Variants in SERPINI1 observed in about 807,000 individuals in gnomAD.
SERPINI1 encodes serpin family I member 1.
A neutral mutation model predicts 41.1 loss-of-function variants in SERPINI1; 19 were observed. The observed-to-expected ratio is 0.46, with a 90% CI of 0.32 to 0.68. SERPINI1 has a LOEUF of 0.68. SERPINI1 is among the 30% of genes least tolerant of loss of function. The pLI is 0.03. For synonymous variants in SERPINI1, 138 were observed against 156.6 expected (o/e 0.88, Z 0.89); for missense variants, 460 against 479.2 (o/e 0.96, Z 0.37).
chr3:167,738,753 T>G (rs1725569110), intron 1 of SERPINI1, among the ~76,000 whole-genome samples: 1 of 151,392 alleles, frequency 6.6e-6, no homozygotes, highest in African/African-American at 2.4e-5. Flanking sequence ...CTTCCTTTTT[T>G]ATGCTTTTAT....
intron 1 of SERPINI1, among the ~76,000 whole-genome samples, chr3:167,757,643 G>T (rs531707344): frequency 1.3e-5 from 2 of 152,294 alleles, no homozygotes; most frequent in African/African-American, 4.8e-5. Context: ...CTGTGGCTGG[G>T]TGTGGTGGCT....
intron 1 of SERPINI1, among the ~76,000 whole-genome samples, chr3:167,748,749 ACT>A (rs1491199925): frequency 6.5e-5 from 6 of 92,702 alleles, no homozygotes; most frequent in East Asian, 3.0e-4. Context: ...AGAGTGTGTT[ACT>A]CTGTGTGTGT....
At chr3:167,771,605 G>A (rs1726749840) in intron 1 of SERPINI1, among the ~76,000 whole-genome samples, 1 of 152,154 alleles carries the variant, frequency 6.6e-6, no homozygotes, top group South Asian at 2.1e-4. Context: ...TGCTCTGTTA[G>A]TGTTTTACCT....
intron 1 of SERPINI1, among the ~76,000 whole-genome samples, chr3:167,764,663 A>C (rs1431268611): frequency 6.6e-6 from 1 of 152,172 alleles, no homozygotes; most frequent in African/African-American, 2.4e-5. Context: ...ACAGTCCTTC[A>C]AAGTCTTAAC....
At chr3:167,801,903 C>T (rs1044402331) in intron 5 of SERPINI1, among the ~76,000 whole-genome samples, 3 of 152,104 alleles carry the variant, frequency 2.0e-5, no homozygotes, top group African/African-American at 7.2e-5. Context: ...TCATTTGCAA[C>T]CTATGTGGTT....
intron 3 of SERPINI1, among the ~76,000 whole-genome samples, chr3:167,791,512 G>T (rs188779251): frequency 6.6e-5 from 10 of 152,238 alleles, no homozygotes; most frequent in Non-Finnish European, 7.4e-5. Context: ...GACAATAAAA[G>T]AAACTTAAAT....
chr3:167,822,009 G>C (rs1478321595), intron 6 of SERPINI1, among the ~76,000 whole-genome samples: 1 of 152,128 alleles, frequency 6.6e-6, no homozygotes, highest in South Asian at 2.1e-4. Flanking sequence ...ACATTGTGAA[G>C]GTAATCTGCT....
intron 5 of SERPINI1, 58 bp from the exon 6 acceptor site, chr3:167,807,186 C>A: frequency 8.8e-7 from 1 of 1,139,892 alleles, no homozygotes; most frequent in Non-Finnish European, 1.3e-6. Context: ...ACACTTTGTT[C>A]TTGTTCCAGG....
At chr3:167,803,729 A>G (rs1480129370) in intron 5 of SERPINI1, among the ~76,000 whole-genome samples, 6 of 152,136 alleles carry the variant, frequency 3.9e-5, no homozygotes, top group African/African-American at 1.4e-4. Flanking sequence ...AGAATCCCCT[A>G]CTAATATCTT....
At chr3:167,744,710 A>AT (rs1439940484) in intron 1 of SERPINI1, among the ~76,000 whole-genome samples, 55 of 130,574 alleles carry the variant, frequency 4.2e-4, no homozygotes, top group Non-Finnish European at 8.1e-4. Flanking sequence ...ATATATATAA[A>AT]ATATATATAA....
chr3:167,769,423 A>G (rs1348047210), intron 1 of SERPINI1, among the ~76,000 whole-genome samples: 1 of 152,258 alleles, frequency 6.6e-6, no homozygotes, highest in Admixed American at 6.5e-5. Context: ...CGAGTTAACT[A>G]TACAGACTTT....
intron 1 of SERPINI1, among the ~76,000 whole-genome samples, chr3:167,760,763 G>A (rs765300236): frequency 1.3e-5 from 2 of 152,104 alleles, no homozygotes; most frequent in Non-Finnish European, 2.9e-5. Context: ...GTTCAGATTA[G>A]CCTACAAAGA....
chr3:167,783,385 G>A (rs1727205068), intron 1 of SERPINI1, among the ~76,000 whole-genome samples: 1 of 152,158 alleles, frequency 6.6e-6, no homozygotes, highest in South Asian at 2.1e-4. Flanking sequence ...TCCTGTTTGG[G>A]CCTCCTTGAA....
At chr3:167,743,924 C>G (rs1405940572) in intron 1 of SERPINI1, among the ~76,000 whole-genome samples, 6 of 152,086 alleles carry the variant, frequency 3.9e-5, no homozygotes, top group Non-Finnish European at 8.8e-5. Context: ...GGCCTACAGT[C>G]ACACTACCTT....
Position 167,824,536 on chromosome 3 carries a change from T to G in SERPINI1, c.1130T>G (p.Phe377Cys). 1 of 1,613,490 alleles carries G rather than the reference T, an allele frequency of 6.2e-7. No individual in the cohort carries two copies. Among genetic ancestry groups the G allele is most frequent in the Non-Finnish European group, 8.5e-7 (1 of 1,179,570 alleles). ...CAAGTTATTGTCGACCATCCATTTTTCTTTCTTATCAGAAACAGGAGAACT... is the reference window on the plus strand; with the variant it reads ...CAAGTTATTGTCGACCATCCATTTTGCTTTCTTATCAGAAACAGGAGAACT... ...YPQVIVDHPF[F>C]FLIRNRRTGT... The change falls in exon 8 of 9, where the codon TTC (phenylalanine) becomes TGC (cysteine). Residue 377 changes from phenylalanine to cysteine, a missense_variant. Transcript: ENST00000446050.
In SERPINI1 at chr3:167,792,704, C is replaced by T. The variant is rs61761892; in HGVS notation, c.596C>T (p.Thr199Ile). The change falls in exon 4 of 9, where the codon ACT becomes ATT. Residue 199 changes from threonine to isoleucine, a missense_variant. Transcript: ENST00000446050. ...AAGTCGCAGTTTAGGCCTGAAAATACTAGAACCTTTTCTTTCACTAAAGAT... is the reference window on the plus strand; with the variant it reads ...AAGTCGCAGTTTAGGCCTGAAAATATTAGAACCTTTTCTTTCACTAAAGAT... ...NWKSQFRPEN[T>I]RTFSFTKDDE... 11 of 1,613,802 alleles carry T rather than the reference C, an allele frequency of 6.8e-6. No individual in the cohort carries two copies. The South Asian group carries it at 1.1e-4, about 16-fold the overall frequency.
intron 3 of SERPINI1, 70 bp downstream of exon 3, chr3:167,790,672 C>A: frequency 8.9e-7 from 1 of 1,128,740 alleles, no homozygotes; most frequent in Non-Finnish European, 1.3e-6. Flanking sequence ...GAAAGTATTT[C>A]CTCCTTGTTC....
At chr3:167,791,758 A>G (rs1021007782) in intron 3 of SERPINI1, among the ~76,000 whole-genome samples, 1 of 152,238 alleles carries the variant, frequency 6.6e-6, no homozygotes, top group Admixed American at 6.5e-5. Flanking sequence ...CAATTGGTAT[A>G]TTGGCAGAAT....
chr3:167,776,410 A>C (rs1036052574), intron 1 of SERPINI1, among the ~76,000 whole-genome samples: 1 of 152,206 alleles, frequency 6.6e-6, no homozygotes, highest in African/African-American at 2.4e-5. Flanking sequence ...TTTTGTTGGC[A>C]TTGATTGATT....
Sources: allele counts gnomAD v4.1 joint callset (sites outside exome capture counted in the v4.1 genomes callset), GRCh38; gene constraint gnomAD v4.1.1; transcripts MANE v1.5; gene names NCBI Gene and HGNC (gene_info 2026-07-23, HGNC 2026-07-21).